The following TMEM116 variants were observed in gnomAD, a reference collection of about 807,000 sequenced individuals.
The protein encoded by TMEM116 is transmembrane protein 116.
Under a neutral mutation model 44.3 loss-of-function variants are expected in TMEM116, and 38 were observed. The ratio of observed to expected loss-of-function variants is 0.86; its 90% CI spans 0.66 to 1.12. The LOEUF (loss-of-function observed/expected upper bound fraction) is 1.12, where lower values mean the gene tolerates loss of function less well. Ranked by LOEUF, TMEM116 falls within the 50% of genes most tolerant of loss-of-function variation. The pLI is 0.00. For missense variants in TMEM116, 354 were observed against 401.7 expected (o/e 0.88, Z 1.01); for synonymous variants, 132 against 144.8 (o/e 0.91, Z 0.64).
chr12:111,966,151 CA>C (rs2074967984), intron 4 of TMEM116, among the ~76,000 whole-genome samples: 1 of 151,872 alleles, frequency 6.6e-6, no homozygotes, highest in African/African-American at 2.4e-5. Flanking sequence ...ACTAAAAGTA[CA>C]AAAATTAGCC....
chr12:111,962,427 A>G (rs1440099825), intron 4 of TMEM116, among the ~76,000 whole-genome samples: 2 of 152,220 alleles, frequency 1.3e-5, no homozygotes, highest in African/African-American at 4.8e-5. Flanking sequence ...CTACAAAGCT[A>G]CAGTAACAAA....
intron 3 of TMEM116, 96 bp from the exon 4 acceptor site, chr12:111,991,985 C>CA: frequency 7.6e-7 from 1 of 1,321,290 alleles, no homozygotes; most frequent in Non-Finnish European, 1.0e-6. Context: ...TAGTAGGAAA[C>CA]TGACATCATT....
intron 4 of TMEM116, among the ~76,000 whole-genome samples, chr12:111,969,110 C>T (rs567105809): frequency 6.6e-5 from 10 of 151,292 alleles, no homozygotes; most frequent in Admixed American, 6.6e-5. Context: ...CACCTGGGGT[C>T]GGGAGCTCAA....
At chr12:111,996,348 C>G (rs11066118) in intron 3 of TMEM116, among the ~76,000 whole-genome samples, 1 of 151,650 alleles carries the variant, frequency 6.6e-6, no homozygotes, top group East Asian at 1.9e-4. Flanking sequence ...AAAAAAATTA[C>G]TAAGTAGTAA....
chr12:111,931,390 G>A lies in TMEM116; in HGVS notation c.*231C>T. On this transcript the variant is annotated 3_prime_UTR_variant, in exon 11 of 11. Transcript: ENST00000552374. ...CACGAGTCTATCTCTGAGATGGAAA[G>A]TGTCTTCCTCTCCCTGAATAGAGAC... 2 of 534,196 alleles carry A rather than the reference G, an allele frequency of 3.7e-6. No homozygotes were observed. Among genetic ancestry groups the A allele is most frequent in the South Asian group, 4.6e-5 (2 of 43,796 alleles). The allele number at this position is 534,196 out of a possible 1,614,324, so 33.1% of individuals were successfully genotyped here.
At chr12:111,987,235 C>T (rs1193318310) in intron 4 of TMEM116, among the ~76,000 whole-genome samples, 5 of 151,782 alleles carry the variant, frequency 3.3e-5, no homozygotes, top group Admixed American at 2.0e-4. Context: ...CTGGGCATGG[C>T]GGCTCACACC....
intron 4 of TMEM116, among the ~76,000 whole-genome samples, chr12:111,987,845 G>T (rs2076312162): frequency 6.6e-6 from 1 of 152,168 alleles, no homozygotes; most frequent in African/African-American, 2.4e-5. Flanking sequence ...AGAACTGAAA[G>T]TAGGGGATCA....
chr12:111,960,732 T>C (rs1052322518), intron 4 of TMEM116, among the ~76,000 whole-genome samples: 6 of 151,322 alleles, frequency 4.0e-5, no homozygotes, highest in Non-Finnish European at 5.9e-5. Flanking sequence ...GCAAGAAAAA[T>C]TTAAATCAAC....
At chr12:111,954,392 G>A (rs2073945624) in intron 4 of TMEM116, among the ~76,000 whole-genome samples, 2 of 152,148 alleles carry the variant, frequency 1.3e-5, no homozygotes, top group African/African-American at 2.4e-5. Flanking sequence ...TGAAAGGATT[G>A]CAAGTGAATC....
chr12:111,985,098 C>G (rs1565940177), intron 4 of TMEM116, among the ~76,000 whole-genome samples: 1 of 152,098 alleles, frequency 6.6e-6, no homozygotes, highest in Admixed American at 6.5e-5. Context: ...AGCTTTTCTT[C>G]TAAGTTCAGA....
At chr12:111,989,460 C>T (rs757147188) in intron 4 of TMEM116, among the ~76,000 whole-genome samples, 9 of 152,184 alleles carry the variant, frequency 5.9e-5, no homozygotes, top group Non-Finnish European at 1.2e-4. Flanking sequence ...CTCAAACCAG[C>T]GTAGCCAAGG....
rs182968862 is a variant in TMEM116, at chr12:111,953,571, C to A, written c.211-10202G>T. ...AAATCACAACATTGCACATAGGCCA[C>A]TTCAACCTTACACACACAAAAAGTA... On this transcript the variant is annotated intron_variant, in intron 4 of 10. Transcript: ENST00000552374. Among the ~76,000 whole-genome samples, 452 of 152,286 alleles carry A rather than the reference C, an allele frequency of 3.0e-3. 2 individuals carry two copies. Among genetic ancestry groups the A allele is most frequent in the African/African-American group, 0.01 (427 of 41,540 alleles).
chr12:111,984,033 T>C (rs1014885760), intron 4 of TMEM116, among the ~76,000 whole-genome samples: 2 of 152,096 alleles, frequency 1.3e-5, no homozygotes, highest in African/African-American at 4.8e-5. Context: ...AAAAATCAAT[T>C]AATATATCAC....
chr12:111,934,153 CTT>C (rs1485863680), intron 8 of TMEM116, 123 bp from the exon 9 acceptor site: 3 of 1,132,498 alleles, frequency 2.6e-6, no homozygotes, highest in Non-Finnish European at 1.2e-6. Flanking sequence ...ACCCCATTCT[CTT>C]GTCTTTACTT....
At chr12:112,007,920 C>T (rs575631561) in intron 1 of TMEM116, among the ~76,000 whole-genome samples, 2 of 152,308 alleles carry the variant, frequency 1.3e-5, no homozygotes, top group Non-Finnish European at 2.9e-5. Flanking sequence ...AGCACTTTGT[C>T]CCTTTGAAGT....
intron 4 of TMEM116, among the ~76,000 whole-genome samples, 175 bp from the exon 5 acceptor site, chr12:111,943,544 T>C (rs914357283): frequency 3.9e-5 from 6 of 152,180 alleles, no homozygotes; most frequent in Non-Finnish European, 5.9e-5. Flanking sequence ...CTTTTTTGTG[T>C]GTGTATGTGA....
At chr12:111,958,082 C>A (rs1306854239) in intron 4 of TMEM116, among the ~76,000 whole-genome samples, 1 of 151,694 alleles carries the variant, frequency 6.6e-6, no homozygotes, top group Non-Finnish European at 1.5e-5. Flanking sequence ...GCAGCATGCT[C>A]GTTAAGAGTC....
chr12:111,964,104 T>C (rs2074809718), intron 4 of TMEM116, among the ~76,000 whole-genome samples: 1 of 148,738 alleles, frequency 6.7e-6, no homozygotes, highest in Non-Finnish European at 1.5e-5. Context: ...CCCACTGAAC[T>C]ACTTCTCTAC....
chr12:112,009,525 T>C (rs1218515273), intron 1 of TMEM116, among the ~76,000 whole-genome samples: 12 of 136,186 alleles, frequency 8.8e-5, no homozygotes, highest in Non-Finnish European at 1.2e-4. Context: ...TAAATCAGCA[T>C]GGGTTTACTT....
Sources: allele counts gnomAD v4.1 joint callset (sites outside exome capture counted in the v4.1 genomes callset), GRCh38; gene constraint gnomAD v4.1.1; transcripts MANE v1.5; gene names NCBI Gene and HGNC (gene_info 2026-07-23, HGNC 2026-07-21).